The following PCDHGB2 variants were observed in gnomAD, a reference collection of about 807,000 sequenced individuals.
PCDHGB2 encodes protocadherin gamma subfamily B, 2.
In PCDHGB2, 55 loss-of-function variants were observed where a neutral mutation model predicts 59.3. That is an observed-to-expected ratio of 0.93 (90% CI 0.75 to 1.16). PCDHGB2 has a LOEUF of 1.16. Ranked by LOEUF, PCDHGB2 falls within the 50% of genes most tolerant of loss-of-function variation. The probability of loss-of-function intolerance (pLI) is 0.00; values close to 1 mark genes in which losing one functional copy is unlikely to be tolerated. For synonymous variants in PCDHGB2, 516 were observed against 512.0 expected (o/e 1.01, Z -0.11); for missense variants, 1,228 against 1,198.5 (o/e 1.02, Z -0.36).
intron 1 of PCDHGB2, among the ~76,000 whole-genome samples, chr5:141,368,835 T>C (rs1765886415): frequency 6.6e-6 from 1 of 152,190 alleles, no homozygotes; most frequent in African/African-American, 2.4e-5. Flanking sequence ...CTTGGCATTG[T>C]GTTGGAAGGC....
At chr5:141,374,307 T>A in intron 1 of PCDHGB2, 1 of 1,613,922 alleles carries the variant, frequency 6.2e-7, no homozygotes, top group Non-Finnish European at 8.5e-7. Context: ...ATGCAGCTTT[T>A]CTCTCTGAAT....
rs776632782 is a variant in PCDHGB2, at chr5:141,415,681, A to G, written c.2421+53125A>G. 6.3e-5 allele frequency: 95 copies of G among 1,518,728 alleles called. 2 individuals are homozygous for G. In the Middle Eastern group the frequency reaches 2.1e-3, roughly 34 times the overall value. 94.1% of individuals were successfully genotyped at this position (1,518,728 alleles called of 1,614,324 possible). A position where few individuals can be genotyped will look rare whatever the true frequency, so the allele number is the denominator to read the frequency against. Reference sequence around the variant, plus strand: ...TGGTTTTTACTTTGAAGTTTGCGGCATGATGGTGGAAAGTGTAAATGCTAA... The same window carrying G: ...TGGTTTTTACTTTGAAGTTTGCGGCGTGATGGTGGAAAGTGTAAATGCTAA... On this transcript the variant is annotated intron_variant, in intron 1 of 3. Transcript: ENST00000522605.
chr5:141,432,276 C>G lies in PCDHGB2; in HGVS notation c.2422-62531C>G, dbSNP rs747589363. ...GGGGCAAGCCTATCGTCCTACGTGT[C>G]CATCAACTCCGACACTGGGGTACTG... On this transcript the variant is annotated intron_variant, in intron 1 of 3. Transcript: ENST00000522605. The surrounding 1 kb of genome is among the most constrained non-coding windows in gnomAD (Gnocchi z 6.0). 6.2e-7 allele frequency: 1 copy of G among 1,614,236 alleles called. No homozygotes were observed. Among genetic ancestry groups the G allele is most frequent in the Non-Finnish European group, 8.5e-7 (1 of 1,180,044 alleles).
intron 1 of PCDHGB2, chr5:141,423,465 G>T: frequency 6.2e-7 from 1 of 1,614,006 alleles, no homozygotes; most frequent in South Asian, 1.1e-5. Context: ...GCGTGGACGG[G>T]GTACAGGCTT....
intron 1 of PCDHGB2, among the ~76,000 whole-genome samples, 197 bp from the exon 2 acceptor site, chr5:141,494,610 T>C (rs1428159953): frequency 6.6e-6 from 1 of 152,152 alleles, no homozygotes; most frequent in Non-Finnish European, 1.5e-5. Flanking sequence ...GATTTATCTC[T>C]TGGTTTCTGG....
chr5:141,504,241 A>G (rs1282647590), intron 2 of PCDHGB2, among the ~76,000 whole-genome samples: 1 of 152,156 alleles, frequency 6.6e-6, no homozygotes, highest in Non-Finnish European at 1.5e-5. Flanking sequence ...AGAAGCAGAG[A>G]GTTCTTCTTA....
At chr5:141,393,952 G>C in intron 1 of PCDHGB2, 4 of 1,613,916 alleles carry the variant, frequency 2.5e-6, no homozygotes, top group Non-Finnish European at 3.4e-6. Context: ...GGAAAGAATG[G>C]TCAAGTTGTC....
intron 1 of PCDHGB2, chr5:141,385,044 G>T: frequency 1.9e-6 from 3 of 1,614,146 alleles, no homozygotes; most frequent in South Asian, 2.2e-5. Context: ...TGGCGCTCAG[G>T]CTGCGGCGCT....
intron 1 of PCDHGB2, among the ~76,000 whole-genome samples, chr5:141,447,744 T>G (rs1020767891): frequency 3.4e-4 from 51 of 152,206 alleles, no homozygotes; most frequent in African/African-American, 1.2e-3. Context: ...CTTAAGAGTC[T>G]TGCATGTGAC....
chr5:141,371,310 G>A, intron 1 of PCDHGB2: 2 of 1,613,992 alleles, frequency 1.2e-6, no homozygotes, highest in Non-Finnish European at 1.7e-6. Flanking sequence ...CACTATTGGA[G>A]AACTGGACTT....
chr5:141,494,736 T>A, intron 1 of PCDHGB2, 71 bp from the exon 2 acceptor site: 2 of 1,611,858 alleles, frequency 1.2e-6, no homozygotes, highest in Non-Finnish European at 1.7e-6. Flanking sequence ...TCCCGGCCCA[T>A]CCCTAGGGGC....
intron 1 of PCDHGB2, among the ~76,000 whole-genome samples, chr5:141,387,391 A>T (rs1029358024): frequency 4.6e-5 from 7 of 152,220 alleles, no homozygotes; most frequent in Non-Finnish European, 1.0e-4. Context: ...TAGATAGTGC[A>T]TGTTTGAAGA....
intron 1 of PCDHGB2, chr5:141,428,653 T>A (rs952656382): frequency 1.8e-5 from 3 of 167,524 alleles, no homozygotes; most frequent in Admixed American, 1.1e-4. Flanking sequence ...TCACGTGAGT[T>A]CCAATGAATG....
chr5:141,485,745 T>C lies in PCDHGB2; in HGVS notation c.2422-9062T>C. 3 of 1,614,146 alleles carry C rather than the reference T, an allele frequency of 1.9e-6. No individual in the cohort carries two copies. Among genetic ancestry groups the C allele is most frequent in the Non-Finnish European group, 2.5e-6 (3 of 1,179,986 alleles). ...AAGAAGCGCAGCGACGGCAGCCTGGTCCCAGAGCTGCTCCTGGAGAAGCCT... is the reference window on the plus strand; with the variant it reads ...AAGAAGCGCAGCGACGGCAGCCTGGCCCCAGAGCTGCTCCTGGAGAAGCCT... On this transcript the variant is annotated intron_variant, in intron 1 of 3. Transcript: ENST00000522605. This position sits in a 1 kb window ranked among gnomAD's most constrained non-coding sequence, Gnocchi z 5.7.
At chr5:141,462,039 T>A (rs569871892) in intron 1 of PCDHGB2, among the ~76,000 whole-genome samples, 1 of 152,276 alleles carries the variant, frequency 6.6e-6, no homozygotes, top group Non-Finnish European at 1.5e-5. Flanking sequence ...GTCAGGCGGG[T>A]CTTGAACTCC....
In PCDHGB2 at chr5:141,361,508, T is replaced by C; in HGVS notation, c.1373T>C (p.Met458Thr). The C allele has an allele frequency of 1.9e-6, 3 of 1,614,028 alleles. No individual in the cohort carries two copies. Among genetic ancestry groups the C allele is most frequent in the East Asian group, 4.5e-5 (2 of 44,874 alleles). ...CCAGTTTTCCAACAGACTTCCTACA[T>C]GGTTCACGTGGCAGAGAACAATCCT... Reference protein sequence around the residue: ...NAPVFQQTSYMVHVAENNPPG... With the variant: ...NAPVFQQTSYTVHVAENNPPG... Residue 458 changes from methionine (M) to threonine (T), a missense_variant, in exon 1 of 4, where the codon ATG becomes ACG. Transcript: ENST00000522605.
chr5:141,448,421 A>G (rs1380029405), intron 1 of PCDHGB2, among the ~76,000 whole-genome samples: 1 of 152,132 alleles, frequency 6.6e-6, no homozygotes, highest in Non-Finnish European at 1.5e-5. Flanking sequence ...ACAATATACT[A>G]TGTATATATT....
intron 1 of PCDHGB2, chr5:141,385,051 C>A (rs1222079447): frequency 6.2e-7 from 1 of 1,614,154 alleles, no homozygotes; most frequent in East Asian, 2.2e-5. Flanking sequence ...CAGGCTGCGG[C>A]GCTGGCACAA....
chr5:141,462,486 G>A (rs62379193), intron 1 of PCDHGB2, among the ~76,000 whole-genome samples: 5,124 of 152,042 alleles, frequency 0.034, 100 homozygotes, highest in Middle Eastern at 0.088. Flanking sequence ...CGTGGTTGTT[G>A]TATCCTATAA....
Sources: allele counts gnomAD v4.1 joint callset (sites outside exome capture counted in the v4.1 genomes callset), GRCh38; gene constraint gnomAD v4.1.1; non-coding constraint Gnocchi (gnomAD v3.1); transcripts MANE v1.5; gene names NCBI Gene and HGNC (gene_info 2026-07-23, HGNC 2026-07-21).